Variants in CRACD observed in about 807,000 individuals in gnomAD.
CRACD encodes capping protein inhibiting regulator of actin dynamics, also known as capping protein-inhibiting regulator of actin dynamics.
CRACD carries 56 observed loss-of-function variants against 106.8 expected under a neutral mutation model. The ratio of observed to expected loss-of-function variants is 0.52; its 90% CI spans 0.42 to 0.66. The LOEUF is 0.66. Ranked by LOEUF, CRACD falls within the 30% of genes least tolerant of loss-of-function variation. The probability of loss-of-function intolerance (pLI) is 0.00; values close to 1 mark genes in which losing one functional copy is unlikely to be tolerated. For synonymous variants in CRACD, 754 were observed against 670.8 expected, an observed-to-expected ratio of 1.12 and a Z score of -1.92; for missense variants, 1,730 against 1,623.2, an observed-to-expected ratio of 1.07 and a Z score of -1.13.
intron 1 of CRACD, among the ~76,000 whole-genome samples, chr4:56,143,124 T>C (rs1289934474): frequency 6.6e-6 from 1 of 152,050 alleles, no homozygotes; most frequent in African/African-American, 2.4e-5. Flanking sequence ...AGAGATTCAT[T>C]TGGAGAATTT....
chr4:56,222,769 C>A (rs1739111689), intron 2 of CRACD, among the ~76,000 whole-genome samples: 1 of 151,658 alleles, frequency 6.6e-6, no homozygotes, highest in Non-Finnish European at 1.5e-5. Context: ...ATGGTGAAAC[C>A]CCATCTCTAC....
At chr4:56,267,444 A>T (rs1362845434) in intron 2 of CRACD, among the ~76,000 whole-genome samples, 2 of 152,282 alleles carry the variant, frequency 1.3e-5, no homozygotes, top group East Asian at 3.9e-4. Context: ...ATTTAAAGAT[A>T]TTTCTGGTGG....
At chr4:56,274,245 A>G (rs567619443) in intron 3 of CRACD, among the ~76,000 whole-genome samples, 4 of 152,348 alleles carry the variant, frequency 2.6e-5, no homozygotes, top group African/African-American at 4.8e-5. Flanking sequence ...CAGGTTTTCA[A>G]TTGTAAAATA....
At chr4:56,058,992 A>G (rs554924435) in intron 1 of CRACD, among the ~76,000 whole-genome samples, 9 of 152,326 alleles carry the variant, frequency 5.9e-5, no homozygotes, top group African/African-American at 2.2e-4. Context: ...GTTTATAAAA[A>G]TATTTACAGA....
rs1357586490 is a variant in CRACD, at chr4:56,321,223, A to G, written c.3188-2154A>G. ...CTTCTCCCATTTTTGAGAAGTGTCA[A>G]GAGAAGCACTTGTGTGGACCTGGGA... is the stretch of plus-strand genomic sequence containing the variant. On this transcript the variant is annotated intron_variant, in intron 8 of 10. Coordinates refer to ENST00000682029, the MANE Select transcript of CRACD (RefSeq NM_001393381.1). 4 of 255,510 alleles carry G rather than the reference A, an allele frequency of 1.6e-5. No homozygotes were observed. The East Asian group carries it at 3.6e-4, about 23-fold the overall frequency. 15.8% of individuals were successfully genotyped at this position (255,510 alleles called of 1,614,324 possible).
At chr4:56,152,095 C>T (rs1383023632) in intron 1 of CRACD, among the ~76,000 whole-genome samples, 2 of 151,338 alleles carry the variant, frequency 1.3e-5, no homozygotes, top group African/African-American at 4.9e-5. Flanking sequence ...CTGCCAGCTC[C>T]ACCTCCCGGG....
chr4:56,081,177 T>C (rs1733009654), intron 1 of CRACD, among the ~76,000 whole-genome samples: 1 of 152,176 alleles, frequency 6.6e-6, no homozygotes, highest in Admixed American at 6.5e-5. Flanking sequence ...GTTCAAATTA[T>C]CTCATATCAA....
intron 2 of CRACD, among the ~76,000 whole-genome samples, chr4:56,253,658 A>T (rs987055134): frequency 6.6e-6 from 1 of 152,244 alleles, no homozygotes; most frequent in Non-Finnish European, 1.5e-5. Flanking sequence ...CAAAAAACAC[A>T]GCAATAGTTT....
chr4:56,083,464 A>C (rs904390420), intron 1 of CRACD, among the ~76,000 whole-genome samples: 1 of 152,158 alleles, frequency 6.6e-6, no homozygotes, highest in African/African-American at 2.4e-5. Flanking sequence ...ATAAACGCAG[A>C]AACAAATGCA....
intron 1 of CRACD, among the ~76,000 whole-genome samples, chr4:56,050,782 C>A (rs910119844): frequency 6.6e-6 from 1 of 152,182 alleles, no homozygotes. Context: ...TACTGGATCG[C>A]CCTTTCCACT....
intron 3 of CRACD, among the ~76,000 whole-genome samples, chr4:56,277,745 A>G (rs1430699249): frequency 4.6e-5 from 7 of 152,218 alleles, no homozygotes; most frequent in Non-Finnish European, 7.4e-5. Context: ...GATTGTATAT[A>G]TAGAAAGTCC....
chr4:56,297,645 G>T (rs1331301731), intron 3 of CRACD, among the ~76,000 whole-genome samples: 1 of 152,118 alleles, frequency 6.6e-6, no homozygotes, highest in Non-Finnish European at 1.5e-5. Flanking sequence ...CACCTATAAG[G>T]TGTTCCATAT....
intron 2 of CRACD, among the ~76,000 whole-genome samples, chr4:56,227,329 A>G (rs1178059614): frequency 6.6e-6 from 1 of 151,660 alleles, no homozygotes; most frequent in East Asian, 1.9e-4. Context: ...CACAGTACAA[A>G]AGTGCTGGAA....
chr4:56,245,867 A>G (rs1740651494), intron 2 of CRACD, among the ~76,000 whole-genome samples: 1 of 152,246 alleles, frequency 6.6e-6, no homozygotes, highest in African/African-American at 2.4e-5. Context: ...GGTCACTGGC[A>G]TGTAAACAGA....
At chr4:56,249,200 A>C (rs1740896454) in intron 2 of CRACD, among the ~76,000 whole-genome samples, 3 of 149,396 alleles carry the variant, frequency 2.0e-5, no homozygotes, top group African/African-American at 7.4e-5. Flanking sequence ...AACAGTGTAA[A>C]AGTGTTCCTA....
At chr4:56,184,594 A>G (rs888710372) in intron 2 of CRACD, among the ~76,000 whole-genome samples, 4 of 152,308 alleles carry the variant, frequency 2.6e-5, no homozygotes, top group South Asian at 4.1e-4. Context: ...AGCTGCAGAT[A>G]AATAGTTGCT....
chr4:56,264,030 C>T (rs1207878008), intron 2 of CRACD, among the ~76,000 whole-genome samples: 1 of 152,096 alleles, frequency 6.6e-6, no homozygotes, highest in Admixed American at 6.6e-5. Context: ...CTGGGGAGGC[C>T]TCATGAAACT....
chr4:56,111,383 C>T (rs1441198257), intron 1 of CRACD, among the ~76,000 whole-genome samples: 2 of 152,058 alleles, frequency 1.3e-5, no homozygotes. Context: ...GAGGAGGGCA[C>T]AGCTCTTTGT....
chr4:56,220,929 C>A lies in CRACD; in HGVS notation c.-189+41499C>A, dbSNP rs534559337. Among the ~76,000 whole-genome samples, 150 of 152,068 alleles carry A rather than the reference C, an allele frequency of 9.9e-4. 1 individual carries two copies. The highest frequency in any genetic ancestry group is 3.4e-3 in the African/African-American group (139 of 41,464). ...AAGATAGATAGAAAGTAAAAACTCA[C>A]CAGATGGAGAAGTGAAAAGAAGGTC... On this transcript the variant is annotated intron_variant, in intron 2 of 10. Coordinates refer to ENST00000682029, the MANE Select transcript of CRACD (RefSeq NM_001393381.1).
Sources: gnomAD v4.1 joint callset for allele counts (sites outside exome capture counted in the v4.1 genomes callset) on GRCh38, gnomAD v4.1.1 for gene constraint, MANE v1.5 for transcripts, NCBI Gene and HGNC (gene_info 2026-07-23, HGNC 2026-07-21) for gene names.